HTR7: variants seen among roughly 807,000 people sequenced by gnomAD.
HTR7 encodes the protein 5-hydroxytryptamine receptor 7, also known as 5-HT-7.
Under a neutral mutation model 34.0 loss-of-function variants are expected in HTR7, and 16 were observed. The ratio of observed to expected loss-of-function variants is 0.47; its 90% CI spans 0.32 to 0.71. The LOEUF is 0.71. Among genes scored for constraint, HTR7 ranks in the 30% least tolerant of loss-of-function variants. HTR7 has a pLI of 0.04. For missense variants in HTR7, 504 were observed against 625.5 expected (o/e 0.81, Z 2.07); for synonymous variants, 265 against 260.2 (o/e 1.02, Z -0.18).
intron 1 of HTR7, among the ~76,000 whole-genome samples, chr10:90,823,260 G>A (rs1846015576): frequency 6.6e-6 from 1 of 152,196 alleles, no homozygotes; most frequent in Non-Finnish European, 1.5e-5. Flanking sequence ...GCTATACCCT[G>A]CAGATACACA....
At chr10:90,781,227 GATC>G (rs1589448105) in intron 1 of HTR7, among the ~76,000 whole-genome samples, 1 of 152,082 alleles carries the variant, frequency 6.6e-6, no homozygotes, top group East Asian at 1.9e-4. Context: ...CTAAAAATGA[GATC>G]ATATTTTGCA....
At chr10:90,835,467 G>A (rs1328398422) in intron 1 of HTR7, among the ~76,000 whole-genome samples, 2 of 152,284 alleles carry the variant, frequency 1.3e-5, no homozygotes, top group South Asian at 2.1e-4. Flanking sequence ...AGGCAGAACT[G>A]GGTCATCAGT....
At chr10:90,838,832 A>G (rs528326285) in intron 1 of HTR7, among the ~76,000 whole-genome samples, 223 of 152,174 alleles carry the variant, frequency 1.5e-3, no homozygotes, top group Non-Finnish European at 2.0e-3. Context: ...AAGGCCCTCC[A>G]TGATCACCCA....
At chr10:90,755,520 G>A (rs1316185306) in intron 1 of HTR7, among the ~76,000 whole-genome samples, 3 of 152,126 alleles carry the variant, frequency 2.0e-5, no homozygotes, top group Admixed American at 6.5e-5. Flanking sequence ...CTTTTTAAAT[G>A]CTGGCCTTAA....
Position 90,807,789 on chromosome 10 carries a change from C to A in HTR7, c.539+49344G>T, listed in dbSNP as rs947557700. ...GGACCTCCCTTGGGAGATCAATCCC[C>A]TGTCCTCCTGTTCTTTGCTCCGTGA... On this transcript the variant is annotated intron_variant, in intron 1 of 3. Transcript: ENST00000336152. Among the ~76,000 whole-genome samples the A allele has an allele frequency of 2.6e-5, 4 of 152,264 alleles. No individual in the cohort carries two copies. In the South Asian group the frequency reaches 8.3e-4, roughly 32 times the overall value.
chr10:90,798,216 TG>T (rs1845571738), intron 1 of HTR7, among the ~76,000 whole-genome samples: 1 of 152,208 alleles, frequency 6.6e-6, no homozygotes, highest in Admixed American at 6.5e-5. Context: ...GAAGAAGCCA[TG>T]TTTGCAAAAG....
chr10:90,824,264 C>T (rs1229292753), intron 1 of HTR7, among the ~76,000 whole-genome samples: 2 of 152,236 alleles, frequency 1.3e-5, no homozygotes, highest in African/African-American at 2.4e-5. Flanking sequence ...TCCAGACACA[C>T]ATTGGGTCAG....
At chr10:90,848,775 G>GA (rs1378810546) in intron 1 of HTR7, among the ~76,000 whole-genome samples, 3 of 152,176 alleles carry the variant, frequency 2.0e-5, no homozygotes, top group Non-Finnish European at 4.4e-5. Flanking sequence ...GGTGTAGTTA[G>GA]AATTTGTTCA....
intron 1 of HTR7, among the ~76,000 whole-genome samples, chr10:90,774,905 G>A (rs1212564480): frequency 1.3e-5 from 2 of 152,104 alleles, no homozygotes; most frequent in African/African-American, 2.4e-5. Flanking sequence ...ATTCTTAAAC[G>A]AATCACAGGT....
intron 1 of HTR7, among the ~76,000 whole-genome samples, chr10:90,828,718 A>C (rs1200197654): frequency 6.6e-6 from 1 of 152,150 alleles, no homozygotes; most frequent in African/African-American, 2.4e-5. Flanking sequence ...CCCAGCAAAG[A>C]AAAGCCCAGG....
intron 1 of HTR7, among the ~76,000 whole-genome samples, chr10:90,766,999 C>T (rs908915639): frequency 3.3e-5 from 5 of 152,144 alleles, no homozygotes; most frequent in African/African-American, 7.2e-5. Context: ...GCCTGGGATC[C>T]GAAGTCAAGC....
At chr10:90,855,379 A>G (rs1036651053) in intron 1 of HTR7, among the ~76,000 whole-genome samples, 3 of 152,272 alleles carry the variant, frequency 2.0e-5, no homozygotes, top group Non-Finnish European at 2.9e-5. Context: ...AATGTAGCCC[A>G]GAAGAGGAGA....
chr10:90,795,662 C>T (rs946223350), intron 1 of HTR7, among the ~76,000 whole-genome samples: 3 of 152,136 alleles, frequency 2.0e-5, no homozygotes, highest in Non-Finnish European at 4.4e-5. Flanking sequence ...GTTTGCTTTG[C>T]CAAGGTTAAA....
chr10:90,779,258 T>G (rs1038797300), intron 1 of HTR7, among the ~76,000 whole-genome samples: 4 of 152,166 alleles, frequency 2.6e-5, no homozygotes, highest in Admixed American at 6.5e-5. Flanking sequence ...GAGGAAAAGT[T>G]AGGACAAATA....
chr10:90,832,727 G>A (rs1026415925), intron 1 of HTR7, among the ~76,000 whole-genome samples: 2 of 152,140 alleles, frequency 1.3e-5, no homozygotes, highest in South Asian at 2.1e-4. Flanking sequence ...CTGCCAGCAC[G>A]CTGTCACCTC....
chr10:90,831,394 G>C (rs1054801825), intron 1 of HTR7, among the ~76,000 whole-genome samples: 1 of 151,582 alleles, frequency 6.6e-6, no homozygotes, highest in Non-Finnish European at 1.5e-5. Context: ...GGCACATCTG[G>C]AGTTGTTTGT....
At chr10:90,752,691 T>C (rs1356859993) in intron 1 of HTR7, among the ~76,000 whole-genome samples, 2 of 151,800 alleles carry the variant, frequency 1.3e-5, no homozygotes, top group Non-Finnish European at 2.9e-5. Context: ...ACAAGATAGG[T>C]TCAAATTGAT....
intron 1 of HTR7, among the ~76,000 whole-genome samples, chr10:90,839,159 A>G (rs1433858623): frequency 2.0e-5 from 3 of 152,248 alleles, no homozygotes; most frequent in Non-Finnish European, 2.9e-5. Flanking sequence ...AAGAAGCTCA[A>G]TTAGTAGGGG....
intron 1 of HTR7, among the ~76,000 whole-genome samples, chr10:90,850,807 A>T (rs1846485831): frequency 6.6e-6 from 1 of 152,242 alleles, no homozygotes; most frequent in Non-Finnish European, 1.5e-5. Flanking sequence ...ACAAATTGGA[A>T]GGCTGGTCAA....
Sources: gnomAD v4.1 joint callset for allele counts (sites outside exome capture counted in the v4.1 genomes callset) on GRCh38, gnomAD v4.1.1 for gene constraint, MANE v1.5 for transcripts, NCBI Gene and HGNC (gene_info 2026-07-23, HGNC 2026-07-21) for gene names.